Variants in PEAK1 observed in about 807,000 individuals in gnomAD.
The protein encoded by PEAK1 is pseudopodium enriched atypical kinase 1.
Under a neutral mutation model 124.7 loss-of-function variants are expected in PEAK1, and 54 were observed. The ratio of observed to expected loss-of-function variants is 0.43; its 90% CI spans 0.35 to 0.54. PEAK1 has a LOEUF of 0.54. PEAK1 is among the 20% of genes least tolerant of loss of function. The pLI, the probability that PEAK1 is intolerant of heterozygous loss-of-function variation, is 0.01. For synonymous variants in PEAK1, 719 were observed against 760.0 expected (o/e 0.95, Z 0.89); for missense variants, 2,046 against 2,134.5 (o/e 0.96, Z 0.82).
At chr15:77,141,300 C>A (rs2053764655) in intron 8 of PEAK1, among the ~76,000 whole-genome samples, 1 of 152,064 alleles carries the variant, frequency 6.6e-6, no homozygotes, top group South Asian at 2.1e-4. Flanking sequence ...ACAACACCAT[C>A]AAAAAGGATA....
intron 2 of PEAK1, among the ~76,000 whole-genome samples, chr15:77,353,649 A>G (rs1456562927): frequency 6.6e-6 from 1 of 152,254 alleles, no homozygotes; most frequent in African/African-American, 2.4e-5. Context: ...CAGAATGTCC[A>G]AACTGTCAAC....
At chr15:77,263,366 A>C (rs1166344407) in intron 5 of PEAK1, among the ~76,000 whole-genome samples, 1 of 152,136 alleles carries the variant, frequency 6.6e-6, no homozygotes, top group Non-Finnish European at 1.5e-5. Flanking sequence ...AGCTAGACTA[A>C]TAAAGAAGAA....
chr15:77,123,399 G>T (rs2052093894), intron 9 of PEAK1, among the ~76,000 whole-genome samples: 1 of 152,162 alleles, frequency 6.6e-6, no homozygotes, highest in African/African-American at 2.4e-5. Context: ...GCAAAAGGCT[G>T]TCATTTTTCC....
At chr15:77,346,098 C>A (rs1052972944) in intron 2 of PEAK1, 2 of 985,246 alleles carry the variant, frequency 2.0e-6, no homozygotes, top group African/African-American at 3.5e-5. Flanking sequence ...ATGCCATAAA[C>A]CAAAGTTCCA....
At chr15:77,126,994 A>G (rs2052428225) in intron 9 of PEAK1, among the ~76,000 whole-genome samples, 1 of 152,250 alleles carries the variant, frequency 6.6e-6, no homozygotes, top group Admixed American at 6.5e-5. Context: ...TTGAAGCCCT[A>G]GCCCACAATG....
chr15:77,417,949 T>C, intron 1 of PEAK1: 2 of 972,260 alleles, frequency 2.1e-6, no homozygotes, highest in Non-Finnish European at 2.4e-6. Flanking sequence ...AATATTTACA[T>C]TACCATAAAT....
In PEAK1 at chr15:77,158,663, A is replaced by T; in HGVS notation, c.3171T>A (p.Ser1057=). ...HMTHEVTEDF[S]PRDPRTVVGK... is the part of the protein sequence containing the mutation. ...CAACAACAGTTCTTGGATCCCGAGG[A>T]GAAAAATCCTCTGTTACTTCATGGG... Residue 1057 remains serine, a synonymous_variant, in exon 8 of 10, where the codon TCT becomes TCA. Transcript: ENST00000682557. The T allele has an allele frequency of 6.2e-7, 1 of 1,614,088 alleles. No homozygotes were observed. Among genetic ancestry groups the T allele is most frequent in the African/African-American group, 1.3e-5 (1 of 75,052 alleles).
In PEAK1 at chr15:77,366,902, G is replaced by A. The variant is rs566479472; in HGVS notation, c.-665-1677C>T. ...TGGAATCCCAGCACTTTGGGAGGCC[G>A]AGGCAGGTGGATCATGAGGTCAGGA... is the stretch of plus-strand genomic sequence containing the variant. On this transcript the variant is annotated intron_variant, in intron 1 of 9. Coordinates refer to ENST00000682557, the MANE Select transcript of PEAK1 (RefSeq NM_001385026.1). Among the ~76,000 whole-genome samples the A allele has an allele frequency of 9.2e-5, 14 of 152,270 alleles. No individual in the cohort carries two copies. In the South Asian group the frequency reaches 1.5e-3, roughly 16 times the overall value.
chr15:77,127,149 C>T (rs760503860), intron 9 of PEAK1, among the ~76,000 whole-genome samples: 10 of 152,160 alleles, frequency 6.6e-5, no homozygotes, highest in South Asian at 6.2e-4. Context: ...TTCTCTCTCA[C>T]GCTCTCTCTC....
At chr15:77,394,298 C>T (rs1366208278) in intron 1 of PEAK1, among the ~76,000 whole-genome samples, 1 of 152,208 alleles carries the variant, frequency 6.6e-6, no homozygotes, top group Non-Finnish European at 1.5e-5. Flanking sequence ...AATAGGCAGG[C>T]AGTGGTTACC....
chr15:77,313,543 C>T (rs905821627), intron 2 of PEAK1, among the ~76,000 whole-genome samples: 5 of 151,188 alleles, frequency 3.3e-5, no homozygotes, highest in African/African-American at 2.4e-5. Flanking sequence ...CTCGGCTCAC[C>T]GCAACCTCCA....
chr15:77,419,250 C>T, intron 1 of PEAK1: 7 of 985,194 alleles, frequency 7.1e-6, no homozygotes, highest in Non-Finnish European at 8.4e-6. Flanking sequence ...TTTAACGTAG[C>T]CAAAGGAGGA....
At chr15:77,403,943 T>C in intron 1 of PEAK1, 1 of 972,070 alleles carries the variant, frequency 1.0e-6, no homozygotes, top group Non-Finnish European at 1.2e-6. Context: ...CATTTACAAG[T>C]TTGTTGCATG....
At chr15:77,384,722 G>C (rs2069779972) in intron 1 of PEAK1, among the ~76,000 whole-genome samples, 1 of 152,116 alleles carries the variant, frequency 6.6e-6, no homozygotes, top group African/African-American at 2.4e-5. Context: ...TCATCAACAT[G>C]TGTGCCAACT....
intron 6 of PEAK1, among the ~76,000 whole-genome samples, chr15:77,225,663 A>ATATAT (rs56047702): frequency 5.1e-5 from 2 of 38,978 alleles, no homozygotes; most frequent in Non-Finnish European, 1.3e-4. Flanking sequence ...GTGTGTGTAT[A>ATATAT]ATTTATATAT....
chr15:77,269,377 C>T (rs1258272179), intron 5 of PEAK1, among the ~76,000 whole-genome samples: 1 of 152,128 alleles, frequency 6.6e-6, no homozygotes, highest in Non-Finnish European at 1.5e-5. Context: ...ATTCTTATAT[C>T]AGACAAAACA....
chr15:77,307,254 TC>T (rs1314549571), intron 2 of PEAK1, among the ~76,000 whole-genome samples: 5 of 152,010 alleles, frequency 3.3e-5, no homozygotes, highest in African/African-American at 1.2e-4. Context: ...GACCTTAGCT[TC>T]TCTATGTGTA....
chr15:77,311,135 G>A (rs1396194216), intron 2 of PEAK1, among the ~76,000 whole-genome samples: 2 of 152,170 alleles, frequency 1.3e-5, no homozygotes, highest in East Asian at 1.9e-4. Flanking sequence ...TATGATGGTA[G>A]CCTAGAACAA....
At chr15:77,188,064 G>A (rs932489675) in intron 6 of PEAK1, among the ~76,000 whole-genome samples, 10 of 152,060 alleles carry the variant, frequency 6.6e-5, no homozygotes, top group African/African-American at 1.9e-4. Flanking sequence ...AAGAAGTTTT[G>A]CAGAAGATAA....
Sources: allele counts gnomAD v4.1 joint callset (sites outside exome capture counted in the v4.1 genomes callset), GRCh38; gene constraint gnomAD v4.1.1; transcripts MANE v1.5; gene names NCBI Gene and HGNC (gene_info 2026-07-23, HGNC 2026-07-21).